Variants in KIT observed in about 807,000 individuals in gnomAD.
KIT encodes KIT proto-oncogene, receptor tyrosine kinase, also known as mast/stem cell growth factor receptor Kit.
KIT carries 16 observed loss-of-function variants against 105.7 expected under a neutral mutation model. The observed-to-expected ratio is 0.15, with a 90% confidence interval of 0.10 to 0.23. The LOEUF is 0.23. KIT is among the 10% of genes least tolerant of loss of function. KIT has a pLI of 1.00. For synonymous variants in KIT, 438 were observed against 441.1 expected (o/e 0.99, Z 0.09); for missense variants, 858 against 1,213.8 (o/e 0.71, Z 4.36).
chr4:54,661,642 A>G (rs1341827385), intron 1 of KIT, among the ~76,000 whole-genome samples: 1 of 152,234 alleles, frequency 6.6e-6, no homozygotes, highest in African/African-American at 2.4e-5. Flanking sequence ...TAACTTTTAA[A>G]AGTTGAGATT....
intron 1 of KIT, among the ~76,000 whole-genome samples, chr4:54,690,069 G>GA (rs35746400): frequency 6.9e-6 from 1 of 144,626 alleles, no homozygotes; most frequent in East Asian, 2.0e-4. Flanking sequence ...GGGGGGGGGG[G>GA]GCTGTGTAAT....
At chr4:54,722,844 TA>T (rs1721967049) in intron 7 of KIT, among the ~76,000 whole-genome samples, 3 of 111,832 alleles carry the variant, frequency 2.7e-5, no homozygotes, top group Admixed American at 8.2e-5. Context: ...TATATATATT[TA>T]TATATATTTT....
intron 1 of KIT, among the ~76,000 whole-genome samples, chr4:54,678,896 A>G (rs1025738598): frequency 6.6e-6 from 1 of 152,156 alleles, no homozygotes; most frequent in Admixed American, 6.5e-5. Context: ...TTATATACAT[A>G]TTTTTTTCTG....
intron 3 of KIT, among the ~76,000 whole-genome samples, chr4:54,698,897 GA>G (rs1329063471): frequency 6.6e-6 from 1 of 152,198 alleles, no homozygotes; most frequent in Non-Finnish European, 1.5e-5. Context: ...TATGTTGGTT[GA>G]AAAGATTAGC....
rs968868885 is a variant in KIT, at chr4:54,740,065, C to G, written c.*1508C>G. On this transcript the variant is annotated 3_prime_UTR_variant, in exon 21 of 21. Coordinates refer to ENST00000288135, the MANE Select transcript of KIT (RefSeq NM_000222.3). Reference sequence around the variant, plus strand: ...ACAAAAAACTCCCCTTCCTCACTGCCCAATATAAAAGGCAAATGTGTACAT... The same window carrying G: ...ACAAAAAACTCCCCTTCCTCACTGCGCAATATAAAAGGCAAATGTGTACAT... The G allele has an allele frequency of 4.3e-6, 1 of 233,510 alleles. No homozygotes were observed. Among genetic ancestry groups the G allele is most frequent in the Non-Finnish European group, 8.5e-6 (1 of 118,032 alleles). The allele number at this position is 233,510 out of a possible 1,614,324, so 14.5% of individuals were successfully genotyped here. A position where few individuals can be genotyped will look rare whatever the true frequency, so the allele number is the denominator to read the frequency against.
chr4:54,679,165 T>C (rs558791553), intron 1 of KIT, among the ~76,000 whole-genome samples: 1 of 152,338 alleles, frequency 6.6e-6, no homozygotes, highest in Non-Finnish European at 1.5e-5. Context: ...ACACATGCAC[T>C]GCCTTCCTGG....
intron 7 of KIT, among the ~76,000 whole-genome samples, chr4:54,711,805 C>G (rs1483845354): frequency 6.6e-6 from 1 of 151,884 alleles, no homozygotes; most frequent in Non-Finnish European, 1.5e-5. Flanking sequence ...TGCGTGTAAT[C>G]CCAGCTAGTT....
chr4:54,722,289 CAATAAT>C (rs1553890823), intron 7 of KIT, among the ~76,000 whole-genome samples: 1 of 152,118 alleles, frequency 6.6e-6, no homozygotes, highest in Non-Finnish European at 1.5e-5. Flanking sequence ...CCGTGCCCAG[CAATAAT>C]AATAATAAAT....
intron 7 of KIT, among the ~76,000 whole-genome samples, chr4:54,715,504 C>T (rs149085535): frequency 2.2e-4 from 34 of 151,816 alleles, no homozygotes; most frequent in African/African-American, 3.1e-4. Context: ...ATGGTGGAAG[C>T]GGAAGGGGAA....
intron 14 of KIT, 135 bp from the exon 15 acceptor site, chr4:54,731,193 C>T (rs1722568287): frequency 1.4e-6 from 1 of 720,348 alleles, no homozygotes; most frequent in South Asian, 1.5e-5. Context: ...ACTCTTTATT[C>T]AAACTTTACA....
intron 7 of KIT, among the ~76,000 whole-genome samples, chr4:54,720,614 C>T (rs1341889585): frequency 6.6e-6 from 1 of 152,246 alleles, no homozygotes; most frequent in Non-Finnish European, 1.5e-5. Context: ...AACTTTTCAT[C>T]ACCTTACTAC....
Position 54,739,857 on chromosome 4 carries a change from C to G in KIT, c.*1300C>G, listed in dbSNP as rs1170098111. The G allele has an allele frequency of 8.6e-6, 2 of 233,360 alleles. No individual in the cohort carries two copies. Among genetic ancestry groups the G allele is most frequent in the African/African-American group, 2.2e-5 (1 of 45,310 alleles). The allele number at this position is 233,360 out of a possible 1,614,324, so 14.5% of individuals were successfully genotyped here. A position where few individuals can be genotyped will look rare whatever the true frequency, so the allele number is the denominator to read the frequency against. ...TGCAGAGGAAGTGGAAGGCATCAGT[C>G]CCTATGTATTTGCAGTTCACCTGCA... is the stretch of plus-strand genomic sequence containing the variant. On this transcript the variant is annotated 3_prime_UTR_variant, in exon 21 of 21. Coordinates refer to ENST00000288135, the MANE Select transcript of KIT (RefSeq NM_000222.3).
chr4:54,668,341 TAAGAG>T (rs1269398168), intron 1 of KIT, among the ~76,000 whole-genome samples: 1 of 152,084 alleles, frequency 6.6e-6, no homozygotes, highest in Non-Finnish European at 1.5e-5. Context: ...AGAAAAAAGA[TAAGAG>T]GGAAAATGAA....
chr4:54,673,640 G>A (rs752969015), intron 1 of KIT, among the ~76,000 whole-genome samples: 6 of 152,182 alleles, frequency 3.9e-5, no homozygotes, highest in African/African-American at 9.6e-5. Context: ...CCCTTCTGGC[G>A]TGATTTTATT....
At chr4:54,730,053 G>A (rs931120181) in intron 14 of KIT, among the ~76,000 whole-genome samples, 2 of 152,044 alleles carry the variant, frequency 1.3e-5, no homozygotes, top group South Asian at 2.1e-4. Context: ...AAAAATTCTG[G>A]ACATTATTCT....
intron 1 of KIT, among the ~76,000 whole-genome samples, chr4:54,663,435 A>G (rs532145338): frequency 2.0e-5 from 3 of 152,198 alleles, no homozygotes; most frequent in Non-Finnish European, 4.4e-5. Context: ...TGTGGACTCC[A>G]CTATCAGGCT....
intron 1 of KIT, among the ~76,000 whole-genome samples, chr4:54,662,997 A>AG (rs11407543): frequency 0.039 from 5,883 of 150,888 alleles, 359 homozygotes; most frequent in African/African-American, 0.13. Context: ...CAGGGGGGAA[A>AG]AAAAAAAACT....
At position 54,738,687 on chromosome 4, in the gene KIT, C is replaced by T. The variant is rs561815817; in HGVS notation, c.*130C>T. On this transcript the variant is annotated 3_prime_UTR_variant, in exon 21 of 21. Transcript: ENST00000288135. ...GGCACCCCACTGCAATCCTGTCTTT[C>T]TGAGCACACTTTAGTGGCCGATGAT... 6.4e-5 allele frequency: 74 copies of T among 1,150,406 alleles called. No individual in the cohort carries two copies. The highest frequency in any genetic ancestry group is 5.6e-4 in the Middle Eastern group (2 of 3,542). 71.3% of individuals were successfully genotyped at this position (1,150,406 alleles called of 1,614,324 possible).
chr4:54,658,331 C>T (rs948491634), intron 1 of KIT, among the ~76,000 whole-genome samples: 1 of 152,062 alleles, frequency 6.6e-6, no homozygotes, highest in Non-Finnish European at 1.5e-5. Context: ...ATGGGGACAG[C>T]AAGAGGGGGT....
Sources: allele counts gnomAD v4.1 joint callset (sites outside exome capture counted in the v4.1 genomes callset), GRCh38; gene constraint gnomAD v4.1.1; transcripts MANE v1.5; gene names NCBI Gene and HGNC (gene_info 2026-07-23, HGNC 2026-07-21).